The following TIE1 variants were observed in gnomAD, a reference collection of about 807,000 sequenced individuals.
TIE1 encodes tyrosine-protein kinase receptor Tie-1.
TIE1 carries 89 observed loss-of-function variants against 130.5 expected under a neutral mutation model. The ratio of observed to expected loss-of-function variants is 0.68; its 90% CI spans 0.57 to 0.81. The LOEUF is 0.81. Among genes scored for constraint, TIE1 ranks in the 40% least tolerant of loss-of-function variants. The pLI, the probability that TIE1 is intolerant of heterozygous loss-of-function variation, is 0.00. For synonymous variants in TIE1, 568 were observed against 629.4 expected (o/e 0.90, Z 1.46); for missense variants, 1,392 against 1,559.8 (o/e 0.89, Z 1.81).
rs893037573 is a variant in TIE1, at chr1:43,307,121, G to A, written c.641-21G>A. ...GTGGTCAGGTGGGTGAGGGTCAGCT[G>A]CTGAAGACACCTTCCTCCAGGTTGT... is the stretch of plus-strand genomic sequence containing the variant. On this transcript the variant is annotated intron_variant, in intron 4 of 22. Transcript: ENST00000372476. This position sits in a 1 kb window ranked among gnomAD's most constrained non-coding sequence, Gnocchi z 5.4. 4 of 1,613,828 alleles carry A rather than the reference G, an allele frequency of 2.5e-6. No homozygotes were observed. In the Admixed American group the frequency reaches 5.0e-5, roughly 20 times the overall value.
At position 43,312,196 on chromosome 1, in the gene TIE1, C is replaced by A. The variant is rs913017620; in HGVS notation, c.1630+65C>A. 3.9e-5 allele frequency: 59 copies of A among 1,513,200 alleles called. No individual in the cohort carries two copies. Among genetic ancestry groups the A allele is most frequent in the Non-Finnish European group, 5.2e-5 (59 of 1,130,856 alleles). The allele number at this position is 1,513,200 out of a possible 1,614,324, so 93.7% of individuals were successfully genotyped here. A position where few individuals can be genotyped will look rare whatever the true frequency, so the allele number is the denominator to read the frequency against. On this transcript the variant is annotated intron_variant, in intron 11 of 22. Coordinates refer to ENST00000372476, the MANE Select transcript of TIE1 (RefSeq NM_005424.5). The surrounding 1 kb of genome is among the most constrained non-coding windows in gnomAD (Gnocchi z 5.6). ...GTTACTTTCCCGTCGACCCCAGGGA[C>A]CCCTGCCTTTCCCACTGGAGGTTGT...
At chr1:43,301,474 G>A (rs1480175546) in intron 1 of TIE1, among the ~76,000 whole-genome samples, 9 of 147,426 alleles carry the variant, frequency 6.1e-5, no homozygotes, top group Non-Finnish European at 7.4e-5. Context: ...TTAGACTTTC[G>A]TCTTTTTCAA....
intron 7 of TIE1, 136 bp downstream of exon 7, chr1:43,308,060 T>G (rs1443586429): frequency 7.5e-7 from 1 of 1,325,434 alleles, no homozygotes; most frequent in Non-Finnish European, 1.0e-6. Flanking sequence ...TAGAGTCTGA[T>G]GGACAGGGAG....
In TIE1 at chr1:43,313,611, C is replaced by T. The variant is rs1646827607; in HGVS notation, c.2219-167C>T. 5.7e-6 allele frequency: 6 copies of T among 1,056,500 alleles called. No homozygotes were observed. The highest frequency in any genetic ancestry group is 6.7e-6 in the Non-Finnish European group (5 of 747,474). 65.4% of individuals were successfully genotyped at this position (1,056,500 alleles called of 1,614,324 possible). Reference sequence around the variant, plus strand: ...TCCACTGTCCCAGGGCTGGGAAAATCATGTCGCCCCTCTGACACCCCTCAT... The same window carrying T: ...TCCACTGTCCCAGGGCTGGGAAAATTATGTCGCCCCTCTGACACCCCTCAT... On this transcript the variant is annotated intron_variant, in intron 13 of 22. Transcript: ENST00000372476. The surrounding 1 kb of genome is among the most constrained non-coding windows in gnomAD (Gnocchi z 6.2).
rs1570450823 is a variant in TIE1 at position 43,318,188 on chromosome 1, T to C, written c.2922+116T>C. On this transcript the variant is annotated intron_variant, in intron 17 of 22. Coordinates refer to ENST00000372476, the MANE Select transcript of TIE1 (RefSeq NM_005424.5). The surrounding 1 kb of genome is among the most constrained non-coding windows in gnomAD (Gnocchi z 4.4). The stretch of plus-strand genomic sequence containing the variant: ...GGGATTGAGGTTCCTGGCCCAAGTG[T>C]GTGGGTGGGTGCAAGCACAGCGAGG... 14 of 1,305,178 alleles carry C rather than the reference T, an allele frequency of 1.1e-5. No homozygotes were observed. Among genetic ancestry groups the C allele is most frequent in the Non-Finnish European group, 1.4e-5 (14 of 973,668 alleles). The allele number at this position is 1,305,178 out of a possible 1,614,324, so 80.8% of individuals were successfully genotyped here.
Position 43,309,593 on chromosome 1 carries a change from C to A in TIE1, c.1333+61C>A. ...TGAGCAGAGTAGGCTCTAGATGATG[C>A]TGCTCAGGCTGGAGATACTAGCAGG... On this transcript the variant is annotated intron_variant, in intron 9 of 22. Transcript: ENST00000372476. The surrounding 1 kb of genome is among the most constrained non-coding windows in gnomAD (Gnocchi z 6.3). The A allele has an allele frequency of 1.3e-6, 2 of 1,503,150 alleles. No homozygotes were observed. The highest frequency in any genetic ancestry group is 1.8e-6 in the Non-Finnish European group (2 of 1,126,804). 93.1% of individuals were successfully genotyped at this position (1,503,150 alleles called of 1,614,324 possible).
rs1354725969 is a variant in TIE1 at position 43,317,554 on chromosome 1, C to T, written c.2621-10C>T. On this transcript the variant is annotated splice_polypyrimidine_tract_variant and intron_variant, in intron 15 of 22. Coordinates refer to ENST00000372476, the MANE Select transcript of TIE1 (RefSeq NM_005424.5). The surrounding 1 kb of genome is among the most constrained non-coding windows in gnomAD (Gnocchi z 5.1). ...ATTTCTGGCAAAATAATATTGGATTCTTTACACAGAGTATGCCTCTGAAAA... is the reference window on the plus strand; with the variant it reads ...ATTTCTGGCAAAATAATATTGGATTTTTTACACAGAGTATGCCTCTGAAAA... 1 of 1,610,728 alleles carries T rather than the reference C, an allele frequency of 6.2e-7. No individual in the cohort carries two copies. The highest frequency in any genetic ancestry group is 1.3e-5 in the African/African-American group (1 of 74,928).
In TIE1 at chr1:43,314,493, C is replaced by A. The variant is rs150589356; in HGVS notation, c.2409+525C>A. The A allele has an allele frequency of 7.9e-5, 80 of 1,009,682 alleles. 1 individual carries two copies. The Middle Eastern group carries it at 1.5e-3, about 19-fold the overall frequency. 62.5% of individuals were successfully genotyped at this position (1,009,682 alleles called of 1,614,324 possible). A position where few individuals can be genotyped will look rare whatever the true frequency, so the allele number is the denominator to read the frequency against. On this transcript the variant is annotated intron_variant, in intron 14 of 22. Coordinates refer to ENST00000372476, the MANE Select transcript of TIE1 (RefSeq NM_005424.5). ...CCAGTCATGCTGTGAGCTCCTCATC[C>A]TAACCTTCATTCTTGCAAATCCCAG...
Position 43,316,915 on chromosome 1 carries a change from C to T in TIE1, c.2410-284C>T, listed in dbSNP as rs1261767520. ...CTTTACCCACAAGCCCTGGTTCTGC[C>T]TTCCAGAGTCCCGTACACTAGATCC... On this transcript the variant is annotated intron_variant, in intron 14 of 22. Transcript: ENST00000372476. This position sits in a 1 kb window ranked among gnomAD's most constrained non-coding sequence, Gnocchi z 4.4. Among the ~76,000 whole-genome samples, 1 of 152,204 alleles carries T rather than the reference C, an allele frequency of 6.6e-6. No homozygotes were observed. Among genetic ancestry groups the T allele is most frequent in the Non-Finnish European group, 1.5e-5 (1 of 68,038 alleles).
chr1:43,311,526 C>T lies in TIE1; in HGVS notation c.1334-145C>T, dbSNP rs557584547. The T allele has an allele frequency of 8.2e-6, 9 of 1,094,800 alleles. No homozygotes were observed. The Admixed American group carries it at 1.0e-4, about 12-fold the overall frequency. 67.8% of individuals were successfully genotyped at this position (1,094,800 alleles called of 1,614,324 possible). ...GCCCCAAGCTACCCAGGGGCCTGAACTCTGTCCTCCCTGGGCCCTGGCCAC... is the reference window on the plus strand; with the variant it reads ...GCCCCAAGCTACCCAGGGGCCTGAATTCTGTCCTCCCTGGGCCCTGGCCAC... On this transcript the variant is annotated intron_variant, in intron 9 of 22. Coordinates refer to ENST00000372476, the MANE Select transcript of TIE1 (RefSeq NM_005424.5).
rs1179897799 is a variant in TIE1 at position 43,313,771 on chromosome 1, T to C, written c.2219-7T>C. On this transcript the variant is annotated splice_polypyrimidine_tract_variant and splice_region_variant and intron_variant, in intron 13 of 22. Transcript: ENST00000372476. The surrounding 1 kb of genome is among the most constrained non-coding windows in gnomAD (Gnocchi z 6.2). Reference sequence around the variant, plus strand: ...TCCCCACAATCTGCCCCTCTCACTGTGTCCAGGGCTGCAGGCTGAGGGCCC... The same window carrying C: ...TCCCCACAATCTGCCCCTCTCACTGCGTCCAGGGCTGCAGGCTGAGGGCCC... 6.2e-7 allele frequency: 1 copy of C among 1,606,284 alleles called. No individual in the cohort carries two copies. Among genetic ancestry groups the C allele is most frequent in the Non-Finnish European group, 8.5e-7 (1 of 1,175,258 alleles).
At position 43,317,571 on chromosome 1, in the gene TIE1, C is replaced by A. The variant is rs1646871258; in HGVS notation, c.2628C>A (p.Ala876=). The A allele has an allele frequency of 6.2e-7, 1 of 1,608,708 alleles. No homozygotes were observed. Among genetic ancestry groups the A allele is most frequent in the African/African-American group, 1.3e-5 (1 of 74,764 alleles). Residue 876 remains alanine, a synonymous_variant, in exon 16 of 23, where the codon GCC becomes GCA. Transcript: ENST00000372476. This position sits in a 1 kb window ranked among gnomAD's most constrained non-coding sequence, Gnocchi z 5.1. ...NAAIKMLKEY[A]SENDHRDFAG... is the part of the protein sequence containing the mutation. ...ATTGGATTCTTTACACAGAGTATGC[C>A]TCTGAAAATGACCATCGTGACTTTG...
At position 43,307,869 on chromosome 1, in the gene TIE1, G is replaced by A. The variant is rs1311440941; in HGVS notation, c.987G>A (p.Arg329=). 1 of 1,614,200 alleles carries A rather than the reference G, an allele frequency of 6.2e-7. No individual in the cohort carries two copies. The highest frequency in any genetic ancestry group is 2.2e-5 in the East Asian group (1 of 44,882). Residue 329 remains arginine, a synonymous_variant, in exon 7 of 23, where the codon CGG becomes CGA. Transcript: ENST00000372476. This position sits in a 1 kb window ranked among gnomAD's most constrained non-coding sequence, Gnocchi z 5.4. Reference sequence around the variant, plus strand: ...GTCAGAATGGTGGCACTTGTGACCGGTTCAGTGGTTGTGTCTGCCCCTCTG... The same window carrying A: ...GTCAGAATGGTGGCACTTGTGACCGATTCAGTGGTTGTGTCTGCCCCTCTG... ...CQCQNGGTCD[R]FSGCVCPSGW...
In TIE1 at chr1:43,309,007, A is replaced by G; in HGVS notation, c.1064A>G (p.Asn355Ser). ...EKSDRIPQIL[N>S]MASELEFNLE... ...CCAGACCGGATCCCCCAGATCCTCA[A>G]CATGGCCTCAGAACTGGAGTTCAAC... Residue 355 changes from asparagine to serine, a missense_variant, in exon 8 of 23, where the codon AAC (asparagine) becomes AGC (serine). Physicochemically the swap from Asn to Ser is conservative, Grantham distance 46 (BLOSUM62 1). This residue lies in a region of TIE1 where 551 missense variants were observed against 565.5 expected (regional missense o/e 0.97). Coordinates refer to ENST00000372476, the MANE Select transcript of TIE1 (RefSeq NM_005424.5). The surrounding 1 kb of genome is among the most constrained non-coding windows in gnomAD (Gnocchi z 6.3). 1 of 1,614,068 alleles carries G rather than the reference A, an allele frequency of 6.2e-7. No homozygotes were observed. The highest frequency in any genetic ancestry group is 8.5e-7 in the Non-Finnish European group (1 of 1,179,972).
Position 43,312,834 on chromosome 1 carries a change from G to A in TIE1, c.1927+233G>A, listed in dbSNP as rs1438634723. ...GAGCATGTGGGGAGAGCATGGGGAGGTCAGGGTTCATGGCGAGAACCAGGG... is the reference window on the plus strand; with the variant it reads ...GAGCATGTGGGGAGAGCATGGGGAGATCAGGGTTCATGGCGAGAACCAGGG... On this transcript the variant is annotated intron_variant, in intron 12 of 22. Coordinates refer to ENST00000372476, the MANE Select transcript of TIE1 (RefSeq NM_005424.5). This position sits in a 1 kb window ranked among gnomAD's most constrained non-coding sequence, Gnocchi z 5.6. Among the ~76,000 whole-genome samples, 1 of 152,120 alleles carries A rather than the reference G, an allele frequency of 6.6e-6. No individual in the cohort carries two copies. The highest frequency in any genetic ancestry group is 1.5e-5 in the Non-Finnish European group (1 of 67,996).
Position 43,306,901 on chromosome 1 carries a change from C to T in TIE1, c.546C>T (p.Leu182=). The change falls in exon 4 of 23, where the codon CTC becomes CTT. Residue 182 remains leucine, a synonymous_variant. Coordinates refer to ENST00000372476, the MANE Select transcript of TIE1 (RefSeq NM_005424.5). This position sits in a 1 kb window ranked among gnomAD's most constrained non-coding sequence, Gnocchi z 4.9. The part of the protein sequence containing the change: ...EAQDGRFLLQ[L]PNVQPPSSGI... ...AGGATGGGCGGTTCCTGCTGCAGCT[C>T]CCAAATGTGCAGCCACCATCGAGCG... is the stretch of plus-strand genomic sequence containing the variant. 4 of 1,614,036 alleles carry T rather than the reference C, an allele frequency of 2.5e-6. No individual in the cohort carries two copies. Among genetic ancestry groups the T allele is most frequent in the Non-Finnish European group, 3.4e-6 (4 of 1,180,004 alleles).
intron 1 of TIE1, among the ~76,000 whole-genome samples, chr1:43,301,402 A>C (rs1056004596): frequency 6.6e-6 from 1 of 151,990 alleles, no homozygotes; most frequent in Non-Finnish European, 1.5e-5. Context: ...TGGGAGGATC[A>C]ATTGAGGCCA....
Position 43,322,590 on chromosome 1 carries a change from G to T in TIE1, c.3346-61G>T, listed in dbSNP as rs947151940. On this transcript the variant is annotated intron_variant, in intron 22 of 22. Coordinates refer to ENST00000372476, the MANE Select transcript of TIE1 (RefSeq NM_005424.5). The surrounding 1 kb of genome is among the most constrained non-coding windows in gnomAD (Gnocchi z 4.0). ...AATGCCCCCACCACATGGAAGTCCA[G>T]GAGCTTGAGGCCAGATGCACCCCCA... The T allele has an allele frequency of 2.2e-6, 3 of 1,385,678 alleles. No homozygotes were observed. Among genetic ancestry groups the T allele is most frequent in the Non-Finnish European group, 3.1e-6 (3 of 975,606 alleles). The allele number at this position is 1,385,678 out of a possible 1,614,324, so 85.8% of individuals were successfully genotyped here.
Position 43,318,191 on chromosome 1 carries a change from G to GCTTGCACCCACCCACACACTT in TIE1, c.2922+119_2922+120insCTTGCACCCACCCACACACTT. 7.7e-7 allele frequency: 1 copy of GCTTGCACCCACCCACACACTT among 1,304,328 alleles called. No individual in the cohort carries two copies. The highest frequency in any genetic ancestry group is 1.0e-6 in the Non-Finnish European group (1 of 972,964). The allele number at this position is 1,304,328 out of a possible 1,614,324, so 80.8% of individuals were successfully genotyped here. ...ATTGAGGTTCCTGGCCCAAGTGTGT[G>GCTTGCACCCACCCACACACTT]GGTGGGTGCAAGCACAGCGAGGAGG... On this transcript the variant is annotated intron_variant, in intron 17 of 22. Coordinates refer to ENST00000372476, the MANE Select transcript of TIE1 (RefSeq NM_005424.5). This position sits in a 1 kb window ranked among gnomAD's most constrained non-coding sequence, Gnocchi z 4.4.
Sources: allele counts gnomAD v4.1 joint callset (sites outside exome capture counted in the v4.1 genomes callset), GRCh38; gene constraint gnomAD v4.1.1; regional missense constraint gnomAD v4.1.1; non-coding constraint Gnocchi (gnomAD v3.1); transcripts MANE v1.5; gene names NCBI Gene and HGNC (gene_info 2026-07-23, HGNC 2026-07-21).